The following KPNA3 variants were observed in gnomAD, a reference collection of about 807,000 sequenced individuals.
KPNA3 encodes importin subunit alpha-4.
Under a neutral mutation model 73.8 loss-of-function variants are expected in KPNA3, and 13 were observed. The observed-to-expected ratio is 0.18, with a 90% confidence interval of 0.11 to 0.28. The LOEUF is 0.28. Ranked by LOEUF, KPNA3 falls within the 10% of genes least tolerant of loss-of-function variation. KPNA3 has a pLI of 1.00. For missense variants in KPNA3, 360 were observed against 618.1 expected (o/e 0.58, Z 4.43); for synonymous variants, 186 against 206.9 (o/e 0.90, Z 0.87).
intron 1 of KPNA3, among the ~76,000 whole-genome samples, chr13:49,760,710 C>T (rs964314956): frequency 1.2e-4 from 19 of 152,250 alleles, no homozygotes; most frequent in Middle Eastern, 3.4e-3. Context: ...AAGGAAAACC[C>T]GGGCGGTCAG....
At chr13:49,748,567 T>A (rs1480702716) in intron 1 of KPNA3, among the ~76,000 whole-genome samples, 2 of 152,020 alleles carry the variant, frequency 1.3e-5, no homozygotes, top group Non-Finnish European at 2.9e-5. Context: ...ACCACAGTGA[T>A]CTTCTTAAGA....
In KPNA3 at chr13:49,777,150, T is replaced by TA. The variant is rs1275974966; in HGVS notation, c.69+15287dup. 2.0e-5 allele frequency among the ~76,000 whole-genome samples: 3 copies of TA among 152,256 alleles called. No homozygotes were observed. In the East Asian group the frequency reaches 5.8e-4, roughly 29 times the overall value. ...CTAATTATTTCAATGCCTGTTCAGC[T>TA]ACCTTCCTCCATACTCTATTCAGCT... is the stretch of plus-strand genomic sequence containing the variant. On this transcript the variant is annotated intron_variant, in intron 1 of 16. Transcript: ENST00000261667.
chr13:49,741,705 C>T (rs887245421), intron 2 of KPNA3, among the ~76,000 whole-genome samples: 29 of 152,326 alleles, frequency 1.9e-4, no homozygotes, highest in African/African-American at 5.1e-4. Flanking sequence ...CCGCCCGCCT[C>T]GGCCTCCCAA....
intron 1 of KPNA3, among the ~76,000 whole-genome samples, chr13:49,781,445 A>G (rs79713945): frequency 6.6e-6 from 1 of 152,128 alleles, no homozygotes; most frequent in East Asian, 2.0e-4. Context: ...TCCTCTGTAT[A>G]ATGTAAACTT....
intron 12 of KPNA3, among the ~76,000 whole-genome samples, chr13:49,708,834 G>A (rs1954232381): frequency 6.6e-6 from 1 of 152,066 alleles, no homozygotes; most frequent in Admixed American, 6.6e-5. Context: ...TGTCTATGAA[G>A]CTTGAAATCT....
chr13:49,734,310 A>T (rs1456324603), intron 2 of KPNA3, among the ~76,000 whole-genome samples: 2 of 152,230 alleles, frequency 1.3e-5, no homozygotes, highest in African/African-American at 4.8e-5. Context: ...AACGTTCACA[A>T]CTATGAGGTT....
At chr13:49,718,747 A>G (rs1954327999) in intron 10 of KPNA3, among the ~76,000 whole-genome samples, 1 of 152,198 alleles carries the variant, frequency 6.6e-6, no homozygotes. Context: ...GGCTGTGTCA[A>G]ACACGAAGTG....
chr13:49,786,979 G>A (rs1252172365), intron 1 of KPNA3, among the ~76,000 whole-genome samples: 1 of 152,188 alleles, frequency 6.6e-6, no homozygotes, highest in Non-Finnish European at 1.5e-5. Flanking sequence ...AGTAAGGTTG[G>A]TAACAGGTAC....
intron 12 of KPNA3, among the ~76,000 whole-genome samples, chr13:49,708,562 G>C (rs1042560322): frequency 1.3e-5 from 2 of 152,160 alleles, no homozygotes; most frequent in African/African-American, 4.8e-5. Context: ...AACTCAAATA[G>C]GTATTTGTAT....
intron 2 of KPNA3, among the ~76,000 whole-genome samples, chr13:49,736,443 T>C (rs1469516647): frequency 6.6e-6 from 1 of 152,220 alleles, no homozygotes; most frequent in Non-Finnish European, 1.5e-5. Context: ...TGCAGGATCA[T>C]TTAATTCATC....
intron 2 of KPNA3, among the ~76,000 whole-genome samples, chr13:49,736,690 T>C (rs766328804): frequency 2.6e-5 from 4 of 152,202 alleles, no homozygotes; most frequent in African/African-American, 9.7e-5. Context: ...TTACATGTAT[T>C]TGCATGTGTG....
chr13:49,708,027 G>C (rs1954224259), intron 12 of KPNA3, among the ~76,000 whole-genome samples: 1 of 136,952 alleles, frequency 7.3e-6, no homozygotes, highest in Non-Finnish European at 1.5e-5. Context: ...ACAGAGTCTT[G>C]CTCTGTCGCC....
intron 12 of KPNA3, among the ~76,000 whole-genome samples, chr13:49,706,842 G>A (rs562414475): frequency 3.9e-5 from 6 of 151,912 alleles, no homozygotes; most frequent in African/African-American, 7.2e-5. Context: ...TCCGCCTCCC[G>A]GGTTCACGCC....
Position 49,701,393 on chromosome 13 carries a change from T to C in KPNA3, c.*407A>G. 2.4e-6 allele frequency: 1 copy of C among 417,832 alleles called. No individual in the cohort carries two copies. The highest frequency in any genetic ancestry group is 5.0e-6 in the Non-Finnish European group (1 of 199,358). The allele number at this position is 417,832 out of a possible 1,614,324, so 25.9% of individuals were successfully genotyped here. A position where few individuals can be genotyped will look rare whatever the true frequency, so the allele number is the denominator to read the frequency against. On this transcript the variant is annotated 3_prime_UTR_variant, in exon 17 of 17. Coordinates refer to ENST00000261667, the MANE Select transcript of KPNA3 (RefSeq NM_002267.4). ...CTCAGATCACACTGCACCTCTTTAGTCTTCCAACTTGTATATGCATCATAC... is the reference window on the plus strand; with the variant it reads ...CTCAGATCACACTGCACCTCTTTAGCCTTCCAACTTGTATATGCATCATAC...
chr13:49,705,889 G>A (rs1185712255), intron 14 of KPNA3, 106 bp from the exon 15 acceptor site: 3 of 1,113,206 alleles, frequency 2.7e-6, no homozygotes, highest in Admixed American at 5.5e-5. Context: ...CTTGAGCCCA[G>A]GAGTTGGAGG....
chr13:49,737,000 G>T (rs1954527858), intron 2 of KPNA3, among the ~76,000 whole-genome samples: 1 of 152,058 alleles, frequency 6.6e-6, no homozygotes, highest in Admixed American at 6.6e-5. Context: ...ATTGTTGCTT[G>T]TATCAACAAT....
At chr13:49,730,507 G>T in intron 6 of KPNA3, among the ~76,000 whole-genome samples, 1 of 73,624 alleles carries the variant, frequency 1.4e-5, no homozygotes, top group Non-Finnish European at 2.7e-5. Context: ...GCAACAGAGC[G>T]AGACTCTGTC....
chr13:49,702,363 A>G (rs1467786493), intron 16 of KPNA3, 23 bp downstream of exon 16: 12 of 1,151,344 alleles, frequency 1.0e-5, no homozygotes, highest in Non-Finnish European at 1.4e-5. Flanking sequence ...ATGAAGATAC[A>G]CGCTATTTTA....
chr13:49,785,149 G>C (rs542276237), intron 1 of KPNA3, among the ~76,000 whole-genome samples: 2 of 152,134 alleles, frequency 1.3e-5, no homozygotes, highest in African/African-American at 2.4e-5. Flanking sequence ...TTAAGGGGGT[G>C]GGGGAGGAAG....
Sources: allele counts gnomAD v4.1 joint callset (sites outside exome capture counted in the v4.1 genomes callset), GRCh38; gene constraint gnomAD v4.1.1; transcripts MANE v1.5; gene names NCBI Gene and HGNC (gene_info 2026-07-23, HGNC 2026-07-21).